Variants in PALLD observed in about 807,000 individuals in gnomAD.
PALLD encodes palladin.
In PALLD, 61 loss-of-function variants were observed where a neutral mutation model predicts 123.5. That is an observed-to-expected ratio of 0.49 (90% CI 0.40 to 0.61). The LOEUF (loss-of-function observed/expected upper bound fraction) is 0.61. PALLD is among the 20% of genes least tolerant of loss of function. PALLD has a pLI of 0.00. For synonymous variants in PALLD, 465 were observed against 496.4 expected, an observed-to-expected ratio of 0.94 and a Z score of 0.84; for missense variants, 1,273 against 1,377.0, an observed-to-expected ratio of 0.92 and a Z score of 1.20.
chr4:168,524,216 G>GTTTC (rs1360852445), intron 2 of PALLD, among the ~76,000 whole-genome samples: 1 of 152,132 alleles, frequency 6.6e-6, no homozygotes, highest in East Asian at 1.9e-4. Context: ...GGTCAGAATT[G>GTTTC]TTTGGCAGCT....
chr4:168,726,676 C>G (rs1205256383), intron 10 of PALLD, among the ~76,000 whole-genome samples: 2 of 152,020 alleles, frequency 1.3e-5, no homozygotes, highest in Non-Finnish European at 2.9e-5. Context: ...AGCCACCACA[C>G]TCAGCCCAGG....
intron 2 of PALLD, among the ~76,000 whole-genome samples, chr4:168,622,788 C>T (rs528038521): frequency 6.6e-6 from 1 of 152,356 alleles, no homozygotes; most frequent in African/African-American, 2.4e-5. Flanking sequence ...ATGACCCAGA[C>T]ACTCTGAGAT....
chr4:168,767,991 C>A (rs1267459718), intron 10 of PALLD, among the ~76,000 whole-genome samples: 2 of 152,174 alleles, frequency 1.3e-5, no homozygotes, highest in African/African-American at 4.8e-5. Flanking sequence ...GACTTCCATA[C>A]TCCCTGTAAG....
At chr4:168,619,887 G>A (rs1774587739) in intron 2 of PALLD, among the ~76,000 whole-genome samples, 1 of 152,186 alleles carries the variant, frequency 6.6e-6, no homozygotes, top group African/African-American at 2.4e-5. Context: ...GTTGTCCCCA[G>A]TGAAAAGCAT....
chr4:168,669,800 GCACACA>G (rs10637670), intron 3 of PALLD, among the ~76,000 whole-genome samples: 29 of 148,024 alleles, frequency 2.0e-4, no homozygotes, highest in Non-Finnish European at 2.8e-4. Flanking sequence ...CTTACAAAAT[GCACACA>G]CACACACACA....
intron 2 of PALLD, among the ~76,000 whole-genome samples, chr4:168,588,678 G>T (rs1327866407): frequency 6.6e-6 from 1 of 152,148 alleles, no homozygotes; most frequent in Non-Finnish European, 1.5e-5. Context: ...AAAGTGCTGG[G>T]ATTACAGGTG....
intron 2 of PALLD, among the ~76,000 whole-genome samples, chr4:168,518,029 A>G (rs1254327938): frequency 2.6e-5 from 4 of 151,612 alleles, no homozygotes; most frequent in African/African-American, 9.7e-5. Context: ...CGAAAACTAA[A>G]CTGATTCTCC....
chr4:168,497,187 T>C lies in PALLD; in HGVS notation c.-90T>C, dbSNP rs983956236. ...CTGGAGTCTTCAAACTGACCAAGCA[T>C]TGAAAAGGTCTGTAAGGTGTATCTT... On this transcript the variant is annotated 5_prime_UTR_variant, in exon 1 of 22. Coordinates refer to ENST00000505667, the MANE Select transcript of PALLD (RefSeq NM_001166108.2). The C allele has an allele frequency of 1.3e-5, 2 of 151,906 alleles. No individual in the cohort carries two copies. The highest frequency in any genetic ancestry group is 4.8e-5 in the African/African-American group (2 of 41,322). 9.4% of individuals were successfully genotyped at this position (151,906 alleles called of 1,614,324 possible). A position where few individuals can be genotyped will look rare whatever the true frequency, so the allele number is the denominator to read the frequency against.
At chr4:168,567,591 T>TTATATATAA (rs1341735457) in intron 2 of PALLD, among the ~76,000 whole-genome samples, 2 of 143,820 alleles carry the variant, frequency 1.4e-5, no homozygotes, top group South Asian at 4.4e-4. Flanking sequence ...ATATTATACA[T>TTATATATAA]TATATATAAT....
intron 10 of PALLD, among the ~76,000 whole-genome samples, chr4:168,751,259 A>G (rs11937795): frequency 0.55 from 84,284 of 151,910 alleles, 23,996 homozygotes; most frequent in African/African-American, 0.69. Flanking sequence ...TGATCTGCCC[A>G]CCTCAGCCTC....
chr4:168,872,114 T>C (rs1026665500), intron 10 of PALLD, among the ~76,000 whole-genome samples: 5 of 152,264 alleles, frequency 3.3e-5, no homozygotes, highest in African/African-American at 1.2e-4. Flanking sequence ...CATCCTTTGA[T>C]ATTCCAGAGA....
intron 1 of PALLD, among the ~76,000 whole-genome samples, chr4:168,499,351 AGG>A: frequency 4.4e-5 from 1 of 22,486 alleles, no homozygotes; most frequent in African/African-American, 2.3e-4. Flanking sequence ...GGCAGAAGGG[AGG>A]GAGGGGGGAG....
At position 168,606,548 on chromosome 4, in the gene PALLD, C is replaced by A. The variant is rs181200655; in HGVS notation, c.909-61642C>A. ...AATTAGCTGGGCATGGTAACGGTCA[C>A]CTGTAATCCCAGCTACTCGGGAGGC... On this transcript the variant is annotated intron_variant, in intron 2 of 21. Transcript: ENST00000505667. Among the ~76,000 whole-genome samples, 476 of 151,930 alleles carry A rather than the reference C, an allele frequency of 3.1e-3. 1 individual carries two copies. Among genetic ancestry groups the A allele is most frequent in the Non-Finnish European group, 5.0e-3 (343 of 67,972 alleles).
Position 168,923,580 on chromosome 4 carries a change from AGTT to A in PALLD, c.3059-672_3059-670del, listed in dbSNP as rs201085432. On this transcript the variant is annotated intron_variant, in intron 18 of 21. Coordinates refer to ENST00000505667, the MANE Select transcript of PALLD (RefSeq NM_001166108.2). Reference sequence around the variant, plus strand: ...CCTGAATTTTTCAGAATAGTACTAAAGTTGTCTTTTTTTTTTAATGGGTTCCTT... The same window carrying A: ...CCTGAATTTTTCAGAATAGTACTAAAGTCTTTTTTTTTTAATGGGTTCCTT... Among the ~76,000 whole-genome samples, 633 of 108,158 alleles carry A rather than the reference AGTT, an allele frequency of 5.9e-3. 13 individuals carry two copies. Among genetic ancestry groups the A allele is most frequent in the Admixed American group, 0.041 (406 of 10,024 alleles). 71.0% of individuals were successfully genotyped at this position (108,158 alleles called of 152,430 possible).
chr4:168,652,478 T>C (rs1778150607), intron 2 of PALLD, among the ~76,000 whole-genome samples: 1 of 152,220 alleles, frequency 6.6e-6, no homozygotes, highest in African/African-American at 2.4e-5. Flanking sequence ...TTTTATTTTT[T>C]ATATGTTTTT....
At chr4:168,741,106 A>G (rs1387468859) in intron 10 of PALLD, among the ~76,000 whole-genome samples, 1 of 152,212 alleles carries the variant, frequency 6.6e-6, no homozygotes, top group East Asian at 1.9e-4. Context: ...TTCATGATCT[A>G]TCCCTATATA....
At chr4:168,884,929 G>A (rs1036712496) in intron 10 of PALLD, among the ~76,000 whole-genome samples, 2 of 152,142 alleles carry the variant, frequency 1.3e-5, no homozygotes, top group African/African-American at 2.4e-5. Flanking sequence ...CCCAGTGATC[G>A]CATCAGATAC....
At chr4:168,726,304 C>T (rs1432337994) in intron 10 of PALLD, among the ~76,000 whole-genome samples, 3 of 152,178 alleles carry the variant, frequency 2.0e-5, no homozygotes, top group Admixed American at 2.0e-4. Flanking sequence ...AGTTGATTTA[C>T]GCTGAGGACC....
Position 168,869,078 on chromosome 4 carries a change from C to T in PALLD, c.1965-21844C>T, listed in dbSNP as rs1027913698. The stretch of plus-strand genomic sequence containing the variant: ...GCATTACCAGGTTCACAAACGTTCT[C>T]ATTCGGGTTTGGGAGTTTCACATTT... On this transcript the variant is annotated intron_variant, in intron 10 of 21. Transcript: ENST00000505667. This position sits in a 1 kb window ranked among gnomAD's most constrained non-coding sequence, Gnocchi z 4.5. 6.6e-6 allele frequency among the ~76,000 whole-genome samples: 1 copy of T among 152,280 alleles called. No individual in the cohort carries two copies. The highest frequency in any genetic ancestry group is 2.1e-4 in the South Asian group (1 of 4,824).
Sources: gnomAD v4.1 joint callset for allele counts (sites outside exome capture counted in the v4.1 genomes callset) on GRCh38, gnomAD v4.1.1 for gene constraint, Gnocchi (gnomAD v3.1) non-coding constraint, MANE v1.5 for transcripts, NCBI Gene and HGNC (gene_info 2026-07-23, HGNC 2026-07-21) for gene names.